KMT2A: variants seen among roughly 807,000 people sequenced by gnomAD.
KMT2A encodes the protein histone-lysine N-methyltransferase 2A.
Under a neutral mutation model 345.3 loss-of-function variants are expected in KMT2A, and 16 were observed. The observed-to-expected ratio is 0.05, with a 90% CI of 0.03 to 0.07. The LOEUF is 0.07. KMT2A is among the 10% of genes least tolerant of loss of function. The pLI is 1.00. For missense variants in KMT2A, 3,272 were observed against 4,841.6 expected (o/e 0.68, Z 9.62); for synonymous variants, 1,599 against 1,778.6 (o/e 0.90, Z 2.54).
chr11:118,501,607 T>C, intron 25 of KMT2A, 65 bp from the exon 26 acceptor site: 1 of 1,368,950 alleles, frequency 7.3e-7, no homozygotes, highest in Non-Finnish European at 1.0e-6. Flanking sequence ...TGACTTTTTA[T>C]TGGTTAATTT....
rs782570546 is a variant in KMT2A, at chr11:118,494,805, G to A, written c.5363+38G>A. ...AGCATAACTTTTTTTTCTCCTCATCGGCTAGAAATCTGAGAGTTCTCATAT... is the reference window on the plus strand; with the variant it reads ...AGCATAACTTTTTTTTCTCCTCATCAGCTAGAAATCTGAGAGTTCTCATAT... On this transcript the variant is annotated intron_variant, in intron 18 of 35. Transcript: ENST00000534358. The surrounding 1 kb of genome is among the most constrained non-coding windows in gnomAD (Gnocchi z 5.8). 1.3e-5 allele frequency: 19 copies of A among 1,502,552 alleles called. No homozygotes were observed. Among genetic ancestry groups the A allele is most frequent in the African/African-American group, 5.5e-5 (4 of 72,518 alleles). The allele number at this position is 1,502,552 out of a possible 1,614,324, so 93.1% of individuals were successfully genotyped here. A position where few individuals can be genotyped will look rare whatever the true frequency, so the allele number is the denominator to read the frequency against.
At chr11:118,450,020 G>A (rs1949501820) in intron 1 of KMT2A, 1 of 152,128 alleles carries the variant, frequency 6.6e-6, no homozygotes, top group South Asian at 2.1e-4. Context: ...AATTTTTCTA[G>A]CCTATTCAAA....
intron 10 of KMT2A, among the ~76,000 whole-genome samples, chr11:118,488,135 G>A (rs1269399030): frequency 1.3e-5 from 2 of 151,986 alleles, no homozygotes; most frequent in Non-Finnish European, 1.5e-5. Context: ...AGTCGAGATC[G>A]CACCACTGCA....
intron 10 of KMT2A, among the ~76,000 whole-genome samples, chr11:118,487,519 T>G (rs369376897): frequency 1.3e-5 from 2 of 152,226 alleles, no homozygotes; most frequent in African/African-American, 4.8e-5. Context: ...CCAAATTCCC[T>G]AAGTGTTAAT....
At position 118,497,783 on chromosome 11, in the gene KMT2A, G is replaced by A. The variant is rs9332827; in HGVS notation, c.5665-153G>A. 1.6e-3 allele frequency among the ~76,000 whole-genome samples: 243 copies of A among 152,256 alleles called. 2 individuals are homozygous for A. The highest frequency in any genetic ancestry group is 2.8e-3 in the Non-Finnish European group (187 of 67,998). On this transcript the variant is annotated intron_variant, in intron 20 of 35. Coordinates refer to ENST00000534358, the MANE Select transcript of KMT2A (RefSeq NM_001197104.2). This position sits in a 1 kb window ranked among gnomAD's most constrained non-coding sequence, Gnocchi z 4.8. ...AAGAAGGAAGTGGAAACAGAGCAAC[G>A]TTGCAAAAAGAATTCTGATTTCTGT...
intron 1 of KMT2A, among the ~76,000 whole-genome samples, chr11:118,451,101 C>T (rs931878582): frequency 4.6e-5 from 7 of 151,514 alleles, no homozygotes; most frequent in Admixed American, 3.3e-4. Flanking sequence ...ATTGAAAAAT[C>T]GAATTCATTT....
chr11:118,451,524 A>G (rs1433664520), intron 1 of KMT2A, among the ~76,000 whole-genome samples: 1 of 152,226 alleles, frequency 6.6e-6, no homozygotes, highest in Non-Finnish European at 1.5e-5. Context: ...AGTAGCTGAG[A>G]CTACAGGCAC....
rs371238665 is a variant in KMT2A at position 118,476,781 on chromosome 11, G to A, written c.3157-24G>A. ...AATTTCAACATGTATGGTTGTTATT[G>A]TTTTTGGATTGCCTCATATTCAGGG... On this transcript the variant is annotated intron_variant, in intron 3 of 35. Coordinates refer to ENST00000534358, the MANE Select transcript of KMT2A (RefSeq NM_001197104.2). This position sits in a 1 kb window ranked among gnomAD's most constrained non-coding sequence, Gnocchi z 4.1. 5.2e-5 allele frequency: 83 copies of A among 1,587,164 alleles called. 1 individual carries two copies. Among genetic ancestry groups the A allele is most frequent in the Non-Finnish European group, 6.5e-5 (76 of 1,161,720 alleles).
At position 118,510,526 on chromosome 11, in the gene KMT2A, C is replaced by A. The variant is rs980761529; in HGVS notation, c.11071+408C>A. ...TGAGCTCCAGCTCACCCTTCAAGAT[C>A]CAGCTCAGACGGTCTTCCCTGACCT... On this transcript the variant is annotated intron_variant, in intron 30 of 35. Coordinates refer to ENST00000534358, the MANE Select transcript of KMT2A (RefSeq NM_001197104.2). The surrounding 1 kb of genome is among the most constrained non-coding windows in gnomAD (Gnocchi z 4.1). 9.9e-5 allele frequency among the ~76,000 whole-genome samples: 15 copies of A among 152,114 alleles called. No individual in the cohort carries two copies. The highest frequency in any genetic ancestry group is 3.6e-4 in the African/African-American group (15 of 41,408).
In KMT2A at chr11:118,523,580, T is replaced by G; in HGVS notation, c.*1408T>G. On this transcript the variant is annotated 3_prime_UTR_variant, in exon 36 of 36. Transcript: ENST00000534358. Reference sequence around the variant, plus strand: ...AAGGTTTTATAAATGTAAATATATTTTGTATATTTTTCTATGAGAAGCACT... The same window carrying G: ...AAGGTTTTATAAATGTAAATATATTGTGTATATTTTTCTATGAGAAGCACT... 4.4e-6 allele frequency: 1 copy of G among 226,814 alleles called. No individual in the cohort carries two copies. Among genetic ancestry groups the G allele is most frequent in the Non-Finnish European group, 8.8e-6 (1 of 113,868 alleles). The allele number at this position is 226,814 out of a possible 1,614,324, so 14.1% of individuals were successfully genotyped here. A position where few individuals can be genotyped will look rare whatever the true frequency, so the allele number is the denominator to read the frequency against.
At chr11:118,474,555 T>C (rs1312283549) in intron 3 of KMT2A, among the ~76,000 whole-genome samples, 4 of 152,138 alleles carry the variant, frequency 2.6e-5, no homozygotes, top group African/African-American at 9.7e-5. Flanking sequence ...GTAAGAAATA[T>C]ATTTGAGGAA....
At chr11:118,515,259 C>G (rs1455250990) in intron 31 of KMT2A, among the ~76,000 whole-genome samples, 1 of 152,232 alleles carries the variant, frequency 6.6e-6, no homozygotes, top group African/African-American at 2.4e-5. Flanking sequence ...ACTCTCTTCC[C>G]TCCAAATTCC....
rs200775587 is a variant in KMT2A, at chr11:118,476,778, A to G, written c.3157-27A>G. On this transcript the variant is annotated intron_variant, in intron 3 of 35. Coordinates refer to ENST00000534358, the MANE Select transcript of KMT2A (RefSeq NM_001197104.2). This position sits in a 1 kb window ranked among gnomAD's most constrained non-coding sequence, Gnocchi z 4.1. ...TATAATTTCAACATGTATGGTTGTTATTGTTTTTGGATTGCCTCATATTCA... is the reference window on the plus strand; with the variant it reads ...TATAATTTCAACATGTATGGTTGTTGTTGTTTTTGGATTGCCTCATATTCA... 1 of 1,583,226 alleles carries G rather than the reference A, an allele frequency of 6.3e-7. No homozygotes were observed. The highest frequency in any genetic ancestry group is 1.4e-5 in the African/African-American group (1 of 74,036).
chr11:118,455,283 A>T (rs951208935), intron 1 of KMT2A, among the ~76,000 whole-genome samples: 3 of 152,150 alleles, frequency 2.0e-5, no homozygotes, highest in Non-Finnish European at 4.4e-5. Context: ...AGTTCTTTAC[A>T]TGTATCTTGA....
chr11:118,457,169 A>C (rs569576909), intron 1 of KMT2A, among the ~76,000 whole-genome samples: 1 of 150,860 alleles, frequency 6.6e-6, no homozygotes, highest in African/African-American at 2.4e-5. Context: ...CTAATCTGCT[A>C]TAGCCTTCAG....
rs1951061026 is a variant in KMT2A at position 118,525,465 on chromosome 11, A to C, written c.*3293A>C. ...CCTCTGTTTTTACACCAATAACAAG[A>C]ATTAAGGGGGAAGCCCTGGCAGCTA... On this transcript the variant is annotated 3_prime_UTR_variant, in exon 36 of 36. Coordinates refer to ENST00000534358, the MANE Select transcript of KMT2A (RefSeq NM_001197104.2). 2 of 227,884 alleles carry C rather than the reference A, an allele frequency of 8.8e-6. No individual in the cohort carries two copies. Among genetic ancestry groups the C allele is most frequent in the Non-Finnish European group, 1.7e-5 (2 of 114,798 alleles). 14.1% of individuals were successfully genotyped at this position (227,884 alleles called of 1,614,324 possible).
Position 118,452,132 on chromosome 11 carries a change from C to A in KMT2A, c.432+15188C>A, listed in dbSNP as rs193161441. On this transcript the variant is annotated intron_variant, in intron 1 of 35. Transcript: ENST00000534358. The stretch of plus-strand genomic sequence containing the variant: ...TCATCATGTATTACAGACTTGAAAT[C>A]CTGAGCTTAAGCGATTCTACTCCCT... 3.9e-5 allele frequency among the ~76,000 whole-genome samples: 6 copies of A among 152,228 alleles called. No individual in the cohort carries two copies. The East Asian group carries it at 9.7e-4, about 25-fold the overall frequency.
chr11:118,501,261 C>T (rs1019916014), intron 25 of KMT2A, 114 bp downstream of exon 25: 7 of 910,980 alleles, frequency 7.7e-6, no homozygotes, highest in Admixed American at 2.5e-5. Context: ...AGTTCAAGAA[C>T]AGCCTGGCCA....
intron 4 of KMT2A, among the ~76,000 whole-genome samples, chr11:118,477,433 A>AT (rs1196719985): frequency 7.3e-6 from 1 of 136,592 alleles, no homozygotes; most frequent in Non-Finnish European, 1.6e-5. Context: ...TCTATTCTCG[A>AT]TTTTAGATTA....
Sources: gnomAD v4.1 joint callset for allele counts (sites outside exome capture counted in the v4.1 genomes callset) on GRCh38, gnomAD v4.1.1 for gene constraint, Gnocchi (gnomAD v3.1) non-coding constraint, MANE v1.5 for transcripts, NCBI Gene and HGNC (gene_info 2026-07-23, HGNC 2026-07-21) for gene names.